LRMDA: variants seen among roughly 807,000 people sequenced by gnomAD.
LRMDA encodes the protein leucine-rich melanocyte differentiation-associated protein.
Under a neutral mutation model 29.8 loss-of-function variants are expected in LRMDA, and 18 were observed. The observed-to-expected ratio is 0.60, with a 90% CI of 0.42 to 0.90. The LOEUF is 0.90. LRMDA is among the 40% of genes least tolerant of loss of function. LRMDA has a pLI of 0.00. For missense variants in LRMDA, 273 were observed against 273.9 expected, an observed-to-expected ratio of 1.00 and a Z score of 0.02; for synonymous variants, 125 against 109.4, an observed-to-expected ratio of 1.14 and a Z score of -0.89.
At chr10:75,907,888 G>T (rs114107345) in intron 2 of LRMDA, among the ~76,000 whole-genome samples, 1 of 152,108 alleles carries the variant, frequency 6.6e-6, no homozygotes, top group African/African-American at 2.4e-5. Context: ...GTCCAGAAAA[G>T]TTAAGGGATT....
chr10:75,659,013 T>G (rs1473002713), intron 2 of LRMDA, among the ~76,000 whole-genome samples: 3 of 152,170 alleles, frequency 2.0e-5, no homozygotes, highest in African/African-American at 7.2e-5. Context: ...TTGATGGGCC[T>G]GGCCCCACCG....
intron 2 of LRMDA, among the ~76,000 whole-genome samples, chr10:75,670,184 A>G (rs1841873642): frequency 6.6e-6 from 1 of 152,228 alleles, no homozygotes; most frequent in Admixed American, 6.5e-5. Flanking sequence ...GAATATTAAC[A>G]GTGTAAGTGA....
chr10:76,442,507 T>A (rs1842314264), intron 6 of LRMDA, among the ~76,000 whole-genome samples: 1 of 152,112 alleles, frequency 6.6e-6, no homozygotes, highest in African/African-American at 2.4e-5. Context: ...CCTGGGCACA[T>A]AGTGAGACCC....
chr10:76,353,705 G>A (rs1841206259), intron 6 of LRMDA, among the ~76,000 whole-genome samples: 1 of 152,068 alleles, frequency 6.6e-6, no homozygotes, highest in African/African-American at 2.4e-5. Context: ...TCTGAAGTTC[G>A]ATTCTTTAGG....
At chr10:75,582,124 C>G (rs1422225926) in intron 2 of LRMDA, among the ~76,000 whole-genome samples, 1 of 152,166 alleles carries the variant, frequency 6.6e-6, no homozygotes, top group Non-Finnish European at 1.5e-5. Context: ...GGGGGAAGCT[C>G]TTGCTGGATC....
At chr10:76,388,702 A>T (rs1248755227) in intron 6 of LRMDA, among the ~76,000 whole-genome samples, 3 of 152,236 alleles carry the variant, frequency 2.0e-5, no homozygotes, top group African/African-American at 7.2e-5. Flanking sequence ...TGGTGGGAGG[A>T]TAGTCATGTT....
At chr10:76,312,524 C>T (rs1840641800) in intron 5 of LRMDA, among the ~76,000 whole-genome samples, 1 of 152,118 alleles carries the variant, frequency 6.6e-6, no homozygotes, top group Non-Finnish European at 1.5e-5. Context: ...AAAAGAGACA[C>T]ATGAGGCAAG....
chr10:75,517,112 A>G (rs1373697517), intron 2 of LRMDA, among the ~76,000 whole-genome samples: 1 of 152,050 alleles, frequency 6.6e-6, no homozygotes, highest in Non-Finnish European at 1.5e-5. Context: ...GCCTTGTAGT[A>G]TAGTTTGAAG....
chr10:76,459,334 G>A (rs112740450), intron 6 of LRMDA, among the ~76,000 whole-genome samples: 97 of 152,218 alleles, frequency 6.4e-4, no homozygotes, highest in Non-Finnish European at 6.9e-4. Context: ...TTGACTGCAG[G>A]TTTTGAAAGC....
At position 76,058,705 on chromosome 10, in the gene LRMDA, G is replaced by C. The variant is rs367704674; in HGVS notation, c.438G>C (p.Leu146=). ...ACAAGCTGCCCAACTTGAAATTTCT[G>C]GATGCCCAGAAAGTAACCAGACAAG... ...VLYKLPNLKF[L]DAQKVTRQER... is the part of the protein sequence containing the mutation. Residue 146 remains leucine (L), a synonymous_variant, in exon 5 of 7, where the codon CTG becomes CTC. Coordinates refer to ENST00000611255, the MANE Select transcript of LRMDA (RefSeq NM_001305581.2). 1.9e-6 allele frequency: 3 copies of C among 1,614,152 alleles called. No individual in the cohort carries two copies. The highest frequency in any genetic ancestry group is 2.5e-6 in the Non-Finnish European group (3 of 1,180,020).
chr10:75,478,565 A>C (rs1844822197), intron 2 of LRMDA, among the ~76,000 whole-genome samples: 1 of 152,224 alleles, frequency 6.6e-6, no homozygotes, highest in Non-Finnish European at 1.5e-5. Flanking sequence ...CTGTTCTTTA[A>C]TAACTTTGGA....
intron 5 of LRMDA, among the ~76,000 whole-genome samples, chr10:76,271,069 T>C (rs565785281): frequency 6.6e-6 from 1 of 152,342 alleles, no homozygotes; most frequent in South Asian, 2.1e-4. Flanking sequence ...CCAGGCCAAA[T>C]CTATAGTGAC....
rs1459261933 is a variant in LRMDA, at chr10:75,781,093, T to C, written c.132-254915T>C. On this transcript the variant is annotated intron_variant, in intron 2 of 6. Transcript: ENST00000611255. ...TCCACCTTGTGAAGACTTGCCTTGATATCACTGTAGCAGAATCTTCCCTGA... is the reference window on the plus strand; with the variant it reads ...TCCACCTTGTGAAGACTTGCCTTGACATCACTGTAGCAGAATCTTCCCTGA... Among the ~76,000 whole-genome samples, 5 of 152,356 alleles carry C rather than the reference T, an allele frequency of 3.3e-5. No individual in the cohort carries two copies. The South Asian group carries it at 8.3e-4, about 25-fold the overall frequency.
chr10:76,035,863 A>G, intron 2 of LRMDA, 145 bp from the exon 3 acceptor site: 1 of 871,128 alleles, frequency 1.1e-6, no homozygotes, highest in South Asian at 2.2e-5. Context: ...TCCTGCTACT[A>G]ATTCTTGTCA....
intron 2 of LRMDA, among the ~76,000 whole-genome samples, chr10:76,005,026 C>T (rs1847626245): frequency 6.6e-6 from 1 of 152,120 alleles, no homozygotes; most frequent in African/African-American, 2.4e-5. Context: ...CATGCCTGGC[C>T]TTAAAATTTT....
intron 2 of LRMDA, among the ~76,000 whole-genome samples, chr10:75,539,261 C>G (rs1839987455): frequency 6.6e-6 from 1 of 152,136 alleles, no homozygotes; most frequent in Non-Finnish European, 1.5e-5. Flanking sequence ...GTGTTAGAAC[C>G]ACACTGAAAG....
intron 5 of LRMDA, chr10:76,242,437 CAA>C (rs1307514903): frequency 6.6e-6 from 1 of 152,252 alleles, no homozygotes; most frequent in Non-Finnish European, 1.5e-5. Flanking sequence ...CAGGCTCCTC[CAA>C]AGACTCTGGG....
chr10:75,835,689 T>C (rs1844422132), intron 2 of LRMDA, among the ~76,000 whole-genome samples: 1 of 152,204 alleles, frequency 6.6e-6, no homozygotes, highest in Non-Finnish European at 1.5e-5. Flanking sequence ...GCCATTTTGC[T>C]TTTTTGGACC....
intron 6 of LRMDA, among the ~76,000 whole-genome samples, chr10:76,528,104 T>C (rs985921229): frequency 2.1e-4 from 32 of 152,202 alleles, no homozygotes; most frequent in African/African-American, 7.7e-4. Context: ...CATATTAATA[T>C]GTTTTTGAAA....
Sources: allele counts gnomAD v4.1 joint callset (sites outside exome capture counted in the v4.1 genomes callset), GRCh38; gene constraint gnomAD v4.1.1; transcripts MANE v1.5; gene names NCBI Gene and HGNC (gene_info 2026-07-23, HGNC 2026-07-21).